CCDC50: variants seen among roughly 807,000 people sequenced by gnomAD.
CCDC50 encodes the protein coiled-coil domain containing 50, also known as coiled-coil domain-containing protein 50.
Under a neutral mutation model 70.2 loss-of-function variants are expected in CCDC50, and 54 were observed. That is an observed-to-expected ratio of 0.77 (90% CI 0.62 to 0.96). The LOEUF (loss-of-function observed/expected upper bound fraction) is 0.96, where lower values mean the gene tolerates loss of function less well. Ranked by LOEUF, CCDC50 falls within the 50% of genes least tolerant of loss-of-function variation. The pLI is 0.00. For missense variants in CCDC50, 558 were observed against 578.7 expected (o/e 0.96, Z 0.37); for synonymous variants, 216 against 198.8 (o/e 1.09, Z -0.73).
rs910903713 is a variant in CCDC50 at position 191,396,942 on chromosome 3, G to A, written c.*5182G>A. 1 of 152,166 alleles carries A rather than the reference G, an allele frequency of 6.6e-6. No individual in the cohort carries two copies. The highest frequency in any genetic ancestry group is 1.5e-5 in the Non-Finnish European group (1 of 68,032). 9.4% of individuals were successfully genotyped at this position (152,166 alleles called of 1,614,324 possible). Reference sequence around the variant, plus strand: ...ATTTTAATAGATTTAAGATGCATTTGTACATTCTCAGCAAACTAGAAGAAA... The same window carrying A: ...ATTTTAATAGATTTAAGATGCATTTATACATTCTCAGCAAACTAGAAGAAA... On this transcript the variant is annotated 3_prime_UTR_variant, in exon 12 of 12. Coordinates refer to ENST00000392455, the MANE Select transcript of CCDC50 (RefSeq NM_178335.3).
rs994231546 is a variant in CCDC50 at position 191,392,479 on chromosome 3, A to G, written c.*719A>G. 6.6e-6 allele frequency: 1 copy of G among 152,232 alleles called. No individual in the cohort carries two copies. Among genetic ancestry groups the G allele is most frequent in the Non-Finnish European group, 1.5e-5 (1 of 68,050 alleles). 9.4% of individuals were successfully genotyped at this position (152,232 alleles called of 1,614,324 possible). ...TTCTCTGAAATTTTAACTCATATAT[A>G]TGAAAAACTTTGTATTCCATCTCTT... On this transcript the variant is annotated 3_prime_UTR_variant, in exon 12 of 12. Coordinates refer to ENST00000392455, the MANE Select transcript of CCDC50 (RefSeq NM_178335.3).
At chr3:191,374,949 C>A in intron 5 of CCDC50, 113 bp from the exon 6 acceptor site, 1 of 1,115,632 alleles carries the variant, frequency 9.0e-7, no homozygotes, top group East Asian at 2.5e-5. Context: ...CAATTTTCTC[C>A]ATTTTTAAAG....
intron 1 of CCDC50, among the ~76,000 whole-genome samples, chr3:191,348,202 A>G (rs914845140): frequency 1.4e-5 from 2 of 141,450 alleles, no homozygotes; most frequent in Non-Finnish European, 3.2e-5. Context: ...AATTTTCTAG[A>G]TGGTAGAGGG....
rs1156803690 is a variant in CCDC50 at position 191,369,931 on chromosome 3, C to G, written c.343C>G (p.Leu115Val). The change falls in exon 5 of 12, where the codon CTT becomes GTT. Residue 115 changes from leucine to valine, a missense_variant. Physicochemically the swap from Leu to Val is conservative, Grantham distance 32. Transcript: ENST00000392455. ...QEKKDEDIAR[L>V]LQEKELQEEK... ...CTTGTCTTTGCAGGACATAGCTCGC[C>G]TTTTGCAAGAAAAGGAGTTACAGGA... 6.2e-7 allele frequency: 1 copy of G among 1,612,598 alleles called. No individual in the cohort carries two copies. Among genetic ancestry groups the G allele is most frequent in the East Asian group, 2.2e-5 (1 of 44,850 alleles).
rs1189877928 is a variant in CCDC50, at chr3:191,357,043, A to G, written c.50-45A>G. On this transcript the variant is annotated intron_variant, in intron 1 of 11. Coordinates refer to ENST00000392455, the MANE Select transcript of CCDC50 (RefSeq NM_178335.3). The stretch of plus-strand genomic sequence containing the variant: ...AATCCTTTCCTTTGTATGTTAAAGT[A>G]TTACTAATGAGCCTTCCTGTCTGTT... 7 of 1,209,676 alleles carry G rather than the reference A, an allele frequency of 5.8e-6. No individual in the cohort carries two copies. In the East Asian group the frequency reaches 1.4e-4, roughly 24 times the overall value. The allele number at this position is 1,209,676 out of a possible 1,614,324, so 74.9% of individuals were successfully genotyped here. A position where few individuals can be genotyped will look rare whatever the true frequency, so the allele number is the denominator to read the frequency against.
At chr3:191,329,935 G>A (rs572368356) in intron 1 of CCDC50, among the ~76,000 whole-genome samples, 3 of 96,068 alleles carry the variant, frequency 3.1e-5, no homozygotes, top group East Asian at 1.8e-3. Context: ...TTTCTCAAGG[G>A]GGTGGTTGGG....
intron 10 of CCDC50, among the ~76,000 whole-genome samples, chr3:191,387,737 A>T (rs1228348184): frequency 1.3e-5 from 2 of 151,018 alleles, no homozygotes; most frequent in Non-Finnish European, 2.9e-5. Flanking sequence ...GCTTTGTTTC[A>T]TAACTTTAGC....
chr3:191,381,483 T>G (rs1354217726), intron 9 of CCDC50, among the ~76,000 whole-genome samples: 1 of 152,138 alleles, frequency 6.6e-6, no homozygotes, highest in Non-Finnish European at 1.5e-5. Context: ...GATCAGAAAT[T>G]GTAGACAAAA....
chr3:191,376,220 A>G (rs1360712116), intron 6 of CCDC50, among the ~76,000 whole-genome samples: 1 of 152,150 alleles, frequency 6.6e-6, no homozygotes, highest in Non-Finnish European at 1.5e-5. Flanking sequence ...TTAGACCTGG[A>G]GGTGGATTCT....
intron 1 of CCDC50, 44 bp from the exon 2 acceptor site, chr3:191,357,044 T>C: frequency 1.6e-6 from 2 of 1,234,880 alleles, no homozygotes; most frequent in South Asian, 2.4e-5. Context: ...TGTTAAAGTA[T>C]TACTAATGAG....
At chr3:191,369,525 C>A (rs1162483232) in intron 4 of CCDC50, among the ~76,000 whole-genome samples, 1 of 152,090 alleles carries the variant, frequency 6.6e-6, no homozygotes, top group Non-Finnish European at 1.5e-5. Context: ...CATAAGAATT[C>A]TTTTCAAAAG....
chr3:191,367,470 T>C (rs1712736845), intron 4 of CCDC50, among the ~76,000 whole-genome samples: 1 of 152,190 alleles, frequency 6.6e-6, no homozygotes, highest in African/African-American at 2.4e-5. Flanking sequence ...AATGTTAAAA[T>C]GAATCTCTTT....
At chr3:191,360,238 C>G (rs1418817269) in intron 3 of CCDC50, among the ~76,000 whole-genome samples, 1 of 152,204 alleles carries the variant, frequency 6.6e-6, no homozygotes, top group Non-Finnish European at 1.5e-5. Context: ...GCTGACTGAA[C>G]CAGAGATGGT....
Position 191,347,034 on chromosome 3 carries a change from A to G in CCDC50, c.50-10054A>G, listed in dbSNP as rs143664856. 1.5e-3 allele frequency among the ~76,000 whole-genome samples: 220 copies of G among 142,006 alleles called. 23 individuals carry two copies. Among genetic ancestry groups the G allele is most frequent in the African/African-American group, 5.3e-3 (213 of 39,936 alleles). The allele number at this position is 142,006 out of a possible 152,430, so 93.2% of individuals were successfully genotyped here. A position where few individuals can be genotyped will look rare whatever the true frequency, so the allele number is the denominator to read the frequency against. ...TCTTGACAGTTTGGTGCTCTAACCA[A>G]TAAGGTGACTTTAGCAGGTCAGATA... On this transcript the variant is annotated intron_variant, in intron 1 of 11. Coordinates refer to ENST00000392455, the MANE Select transcript of CCDC50 (RefSeq NM_178335.3).
At chr3:191,378,545 A>T (rs1045627265) in intron 6 of CCDC50, among the ~76,000 whole-genome samples, 2 of 151,718 alleles carry the variant, frequency 1.3e-5, no homozygotes, top group African/African-American at 2.4e-5. Flanking sequence ...TTGAAGTATC[A>T]TTTTTTCTAT....
intron 6 of CCDC50, among the ~76,000 whole-genome samples, chr3:191,377,706 T>C (rs1321539627): frequency 6.6e-6 from 1 of 152,150 alleles, no homozygotes; most frequent in Non-Finnish European, 1.5e-5. Context: ...CAGAATAAAT[T>C]TATCTTGACT....
rs1717862047 is a variant in CCDC50, at chr3:191,329,429, C to T, written c.-246C>T. On this transcript the variant is annotated 5_prime_UTR_variant, in exon 1 of 12. Transcript: ENST00000392455. ...TCCGGATATTTGGTATCGATTGGGG[C>T]CGGGGACGCGGAGCAGGTGGCCGCG... 2 of 445,900 alleles carry T rather than the reference C, an allele frequency of 4.5e-6. No homozygotes were observed. Among genetic ancestry groups the T allele is most frequent in the East Asian group, 8.0e-5 (2 of 25,112 alleles). 27.6% of individuals were successfully genotyped at this position (445,900 alleles called of 1,614,324 possible).
At chr3:191,361,834 C>CT (rs57777332) in intron 4 of CCDC50, among the ~76,000 whole-genome samples, 3,033 of 152,258 alleles carry the variant, frequency 0.02, 98 homozygotes, top group African/African-American at 0.069. Flanking sequence ...CTGGGTTGTT[C>CT]TTGCAGCATT....
chr3:191,375,612 G>A (rs1197904444), intron 6 of CCDC50, 23 bp downstream of exon 6: 1 of 1,608,338 alleles, frequency 6.2e-7, no homozygotes, highest in East Asian at 2.2e-5. Context: ...AGTCTCGATG[G>A]AAGTCCTGGT....
Sources: allele counts gnomAD v4.1 joint callset (sites outside exome capture counted in the v4.1 genomes callset), GRCh38; gene constraint gnomAD v4.1.1; transcripts MANE v1.5; gene names NCBI Gene and HGNC (gene_info 2026-07-23, HGNC 2026-07-21).